The following TSPAN15 variants were observed in gnomAD, a reference collection of about 807,000 sequenced individuals.
TSPAN15 encodes tetraspanin-15.
A neutral mutation model predicts 34.5 loss-of-function variants in TSPAN15; 20 were observed. The observed-to-expected ratio is 0.58, with a 90% CI of 0.41 to 0.84. The LOEUF is 0.84. TSPAN15 is among the 40% of genes least tolerant of loss of function. The pLI is 0.00. For missense variants in TSPAN15, 313 were observed against 386.1 expected (o/e 0.81, Z 1.59); for synonymous variants, 155 against 153.9 (o/e 1.01, Z -0.05).
At chr10:69,475,398 T>A (rs992399576) in intron 1 of TSPAN15, among the ~76,000 whole-genome samples, 2 of 152,272 alleles carry the variant, frequency 1.3e-5, no homozygotes, top group Middle Eastern at 6.8e-3. Context: ...ACTCTGTGCA[T>A]CCTTCAGAGT....
At chr10:69,507,911 AATGGGGTGG>A (rs1020279536), downstream of TSPAN15, among the ~76,000 whole-genome samples, 6 of 151,420 alleles carry the variant, frequency 4.0e-5, no homozygotes, top group Non-Finnish European at 8.8e-5. Context: ...ACCTCCAGGA[AATGGGGTGG>A]ATGGGGTGGG....
chr10:69,477,649 G>A (rs2133100476), intron 1 of TSPAN15, among the ~76,000 whole-genome samples: 1 of 152,360 alleles, frequency 6.6e-6, no homozygotes, highest in Middle Eastern at 3.4e-3. Context: ...CTAGGTGTTG[G>A]CATCATCTAG....
intron 1 of TSPAN15, among the ~76,000 whole-genome samples, chr10:69,474,703 C>T (rs1027412129): frequency 5.3e-5 from 8 of 152,066 alleles, no homozygotes; most frequent in African/African-American, 1.9e-4. Flanking sequence ...AAGCAAGCCC[C>T]ACTCCAGCCC....
chr10:69,509,676 G>T (rs1842396222), downstream of TSPAN15, among the ~76,000 whole-genome samples: 1 of 152,064 alleles, frequency 6.6e-6, no homozygotes, highest in Non-Finnish European at 1.5e-5. Context: ...TGTCCTGAAT[G>T]GTATTGCCTA....
Position 69,490,724 on chromosome 10 carries a change from C to CAAACA in TSPAN15, c.358-4851_358-4847dup, listed in dbSNP as rs542471689. Among the ~76,000 whole-genome samples, 42 of 152,280 alleles carry CAAACA rather than the reference C, an allele frequency of 2.8e-4. No homozygotes were observed. The South Asian group carries it at 3.1e-3, about 11-fold the overall frequency. On this transcript the variant is annotated intron_variant, in intron 3 of 7. Transcript: ENST00000373290. Reference sequence around the variant, plus strand: ...TGGGTGACAGAGCAAGATTCTGTCTCAAACAAAACAAAACAAAACAAAAAA... The same window carrying CAAACA: ...TGGGTGACAGAGCAAGATTCTGTCTCAAACAAAACAAAACAAAACAAAACAAAAAA...
chr10:69,519,488 A>T, the TSPAN15 span, among the ~76,000 whole-genome samples: 1 of 152,164 alleles, frequency 6.6e-6, no homozygotes, highest in Non-Finnish European at 1.5e-5. Flanking sequence ...CTAGAAAGAG[A>T]TATATCAAAT....
intron 1 of TSPAN15, among the ~76,000 whole-genome samples, chr10:69,479,468 G>A (rs1841685596): frequency 6.6e-6 from 1 of 152,234 alleles, no homozygotes; most frequent in Admixed American, 6.5e-5. Context: ...CTTGGCTGTG[G>A]GCTGCCAGCA....
chr10:69,481,926 G>T (rs996663143), intron 1 of TSPAN15, among the ~76,000 whole-genome samples: 1 of 152,166 alleles, frequency 6.6e-6, no homozygotes, highest in African/African-American at 2.4e-5. Flanking sequence ...CTATTGGAAA[G>T]CCCAGGTCTT....
intron 2 of TSPAN15, among the ~76,000 whole-genome samples, chr10:69,484,320 C>T (rs1331272710): frequency 6.6e-6 from 1 of 152,206 alleles, no homozygotes; most frequent in Non-Finnish European, 1.5e-5. Context: ...CGGCGTCAGG[C>T]CAACAAAGTC....
At chr10:69,531,056 G>A in the TSPAN15 span, among the ~76,000 whole-genome samples, 1 of 144,900 alleles carries the variant, frequency 6.9e-6, no homozygotes, top group African/African-American at 2.5e-5. Context: ...AGCTGGGATT[G>A]GAATAAAAAC....
rs559510016 is a variant in TSPAN15 at position 69,462,630 on chromosome 10, T to C, written c.96+10940T>C. Among the ~76,000 whole-genome samples, 15 of 152,292 alleles carry C rather than the reference T, an allele frequency of 9.8e-5. No homozygotes were observed. The South Asian group carries it at 3.1e-3, about 32-fold the overall frequency. The stretch of plus-strand genomic sequence containing the variant: ...GATTACAGGCATGAGCCACCGCGCC[T>C]GGCCCTACCTGTGATTTTTAAACTT... On this transcript the variant is annotated intron_variant, in intron 1 of 7. Transcript: ENST00000373290.
the TSPAN15 span, among the ~76,000 whole-genome samples, chr10:69,530,818 CTCTATATATATATATA>C: frequency 2.4e-3 from 103 of 42,544 alleles, 1 homozygote; most frequent in East Asian, 8.4e-3. Context: ...CTCTCTCTCT[CTCTATATATATATATA>C]TATATATATA....
chr10:69,534,202 G>A, the TSPAN15 span, among the ~76,000 whole-genome samples: 1 of 152,150 alleles, frequency 6.6e-6, no homozygotes, highest in South Asian at 2.1e-4. Context: ...TGTAAACCAA[G>A]GATTTTATAT....
chr10:69,539,580 C>T, the TSPAN15 span, among the ~76,000 whole-genome samples: 1 of 146,814 alleles, frequency 6.8e-6, no homozygotes, highest in Non-Finnish European at 1.5e-5. Flanking sequence ...AGACTCAGCC[C>T]CTGCAGGATT....
chr10:69,471,136 G>C (rs10998816), intron 1 of TSPAN15, among the ~76,000 whole-genome samples: 9,766 of 152,180 alleles, frequency 0.064, 1,071 homozygotes, highest in African/African-American at 0.22. Context: ...TTGCCTCTGC[G>C]CAAGTAGAAT....
intron 1 of TSPAN15, among the ~76,000 whole-genome samples, chr10:69,473,170 G>C (rs1841541012): frequency 6.6e-6 from 1 of 152,148 alleles, no homozygotes; most frequent in Non-Finnish European, 1.5e-5. Context: ...TTTTGTTGTT[G>C]TTGTTTTTAG....
chr10:69,528,581 A>T, the TSPAN15 span, among the ~76,000 whole-genome samples: 16 of 148,654 alleles, frequency 1.1e-4, no homozygotes, highest in Admixed American at 6.2e-4. Context: ...CCCACCATTC[A>T]GTGGCTTTCA....
At chr10:69,515,155 A>G in the TSPAN15 span, among the ~76,000 whole-genome samples, 3 of 152,126 alleles carry the variant, frequency 2.0e-5, no homozygotes, top group Non-Finnish European at 4.4e-5. Flanking sequence ...CAAGAGACCA[A>G]CCTTGCCTAG....
the TSPAN15 span, among the ~76,000 whole-genome samples, chr10:69,549,307 C>A: frequency 2.6e-5 from 4 of 152,148 alleles, no homozygotes; most frequent in African/African-American, 4.8e-5. Flanking sequence ...ATAATAAATT[C>A]TTCTCTCAGG....
Sources: gnomAD v4.1 joint callset for allele counts (sites outside exome capture counted in the v4.1 genomes callset) on GRCh38, gnomAD v4.1.1 for gene constraint, MANE v1.5 for transcripts, NCBI Gene and HGNC (gene_info 2026-07-23, HGNC 2026-07-21) for gene names.